Variants in CCSER1 observed in about 807,000 individuals in gnomAD.
CCSER1 encodes coiled-coil serine rich protein 1, also known as serine-rich coiled-coil domain-containing protein 1.
A neutral mutation model predicts 82.0 loss-of-function variants in CCSER1; 41 were observed. That is an observed-to-expected ratio of 0.50 (90% CI 0.39 to 0.65). The LOEUF (loss-of-function observed/expected upper bound fraction) is 0.65, where lower values mean the gene tolerates loss of function less well. CCSER1 is among the 30% of genes least tolerant of loss of function. CCSER1 has a pLI of 0.00. For missense variants in CCSER1, 1,119 were observed against 1,064.2 expected (o/e 1.05, Z -0.72); for synonymous variants, 414 against 383.9 (o/e 1.08, Z -0.92).
rs555250022 is a variant in CCSER1, at chr4:90,419,105, T to C, written c.1603+18976T>C. Reference sequence around the variant, plus strand: ...TCCACTATAAAAGCTCTCAATGATGTTTAGTTACTAGAAGGAGCAGTTATA... The same window carrying C: ...TCCACTATAAAAGCTCTCAATGATGCTTAGTTACTAGAAGGAGCAGTTATA... On this transcript the variant is annotated intron_variant, in intron 4 of 10. Transcript: ENST00000509176. Among the ~76,000 whole-genome samples the C allele has an allele frequency of 4.6e-5, 7 of 152,150 alleles. No individual in the cohort carries two copies. In the East Asian group the frequency reaches 9.6e-4, roughly 21 times the overall value.
chr4:90,581,437 A>C (rs1464915137), intron 5 of CCSER1, among the ~76,000 whole-genome samples: 2 of 152,194 alleles, frequency 1.3e-5, no homozygotes, highest in Non-Finnish European at 2.9e-5. Flanking sequence ...GAAAGGAAGG[A>C]AGACTTGGTT....
chr4:90,376,790 A>G (rs1748388607), intron 3 of CCSER1, among the ~76,000 whole-genome samples: 1 of 152,144 alleles, frequency 6.6e-6, no homozygotes, highest in Non-Finnish European at 1.5e-5. Context: ...GTTTGATGTT[A>G]AAGACACAAT....
At chr4:91,502,474 A>G (rs1306048838) in intron 10 of CCSER1, among the ~76,000 whole-genome samples, 1 of 152,178 alleles carries the variant, frequency 6.6e-6, no homozygotes, top group East Asian at 1.9e-4. Flanking sequence ...AAGAAGCAGC[A>G]GCAGCATTTC....
chr4:91,529,172 A>T (rs7685527), intron 10 of CCSER1, among the ~76,000 whole-genome samples: 103,140 of 151,974 alleles, frequency 0.68, 35,642 homozygotes, highest in African/African-American at 0.81. Flanking sequence ...TTCAGATGTA[A>T]GAAGGAAAAT....
chr4:91,523,172 A>G (rs1316672679), intron 10 of CCSER1, among the ~76,000 whole-genome samples: 4 of 152,176 alleles, frequency 2.6e-5, no homozygotes, highest in African/African-American at 4.8e-5. Flanking sequence ...GTGATGGATT[A>G]TGTTTATTGA....
At chr4:91,269,613 A>G (rs544394547) in intron 10 of CCSER1, among the ~76,000 whole-genome samples, 15 of 152,304 alleles carry the variant, frequency 9.8e-5, no homozygotes, top group African/African-American at 3.1e-4. Flanking sequence ...ACATTTCCAC[A>G]TGTATATACC....
intron 10 of CCSER1, among the ~76,000 whole-genome samples, chr4:91,356,720 A>G (rs987608901): frequency 6.6e-6 from 1 of 152,176 alleles, no homozygotes; most frequent in African/African-American, 2.4e-5. Context: ...TCCTAAGATC[A>G]CTGCATCCCT....
intron 10 of CCSER1, among the ~76,000 whole-genome samples, chr4:91,282,457 A>G (rs1419876065): frequency 6.6e-6 from 1 of 152,164 alleles, no homozygotes; most frequent in African/African-American, 2.4e-5. Flanking sequence ...ATAGATTATT[A>G]TGCTTTCTTC....
At chr4:91,513,521 A>T (rs1607075) in intron 10 of CCSER1, among the ~76,000 whole-genome samples, 1 of 151,882 alleles carries the variant, frequency 6.6e-6, no homozygotes, top group African/African-American at 2.4e-5. Context: ...TTTTTTGAAT[A>T]GTTTCAGTAG....
chr4:90,693,645 T>C (rs1479417086), intron 6 of CCSER1: 1 of 152,002 alleles, frequency 6.6e-6, no homozygotes, highest in African/African-American at 2.4e-5. Flanking sequence ...TCACAGATTA[T>C]ATAATTTGGT....
intron 5 of CCSER1, among the ~76,000 whole-genome samples, chr4:90,493,024 T>C (rs990087218): frequency 6.6e-6 from 1 of 152,244 alleles, no homozygotes; most frequent in Middle Eastern, 3.4e-3. Flanking sequence ...GAAAAAAGAT[T>C]AGACAAATGG....
At chr4:91,218,321 A>G (rs1273167128) in intron 10 of CCSER1, among the ~76,000 whole-genome samples, 1 of 152,164 alleles carries the variant, frequency 6.6e-6, no homozygotes, top group Non-Finnish European at 1.5e-5. Context: ...CAAGGGCCGC[A>G]CGCAGCCCCG....
intron 5 of CCSER1, among the ~76,000 whole-genome samples, chr4:90,624,173 G>T (rs1722871975): frequency 6.6e-6 from 1 of 152,174 alleles, no homozygotes. Flanking sequence ...GTAAATCATT[G>T]AGATGCTTTT....
chr4:90,933,839 T>C (rs1730588069), intron 9 of CCSER1, among the ~76,000 whole-genome samples: 1 of 152,002 alleles, frequency 6.6e-6, no homozygotes, highest in Non-Finnish European at 1.5e-5. Flanking sequence ...GTAATGTTAA[T>C]GAATGCATTT....
intron 1 of CCSER1, among the ~76,000 whole-genome samples, chr4:90,206,012 A>G (rs1318772799): frequency 6.6e-6 from 1 of 151,794 alleles, no homozygotes; most frequent in African/African-American, 2.4e-5. Context: ...TCTCTGATAG[A>G]AGTTTGTATT....
At chr4:90,130,243 A>G (rs1017838959) in intron 1 of CCSER1, among the ~76,000 whole-genome samples, 1 of 152,214 alleles carries the variant, frequency 6.6e-6, no homozygotes, top group African/African-American at 2.4e-5. Flanking sequence ...CCTGTCTTTC[A>G]GGAACTTACT....
intron 6 of CCSER1, among the ~76,000 whole-genome samples, chr4:90,645,417 T>C (rs1727383480): frequency 6.6e-6 from 1 of 152,214 alleles, no homozygotes; most frequent in African/African-American, 2.4e-5. Context: ...ACAATTTTAA[T>C]TCATCTATAT....
chr4:90,369,267 AAAGAAG>A (rs140388423), intron 3 of CCSER1, among the ~76,000 whole-genome samples: 28 of 100,992 alleles, frequency 2.8e-4, no homozygotes, highest in South Asian at 2.3e-3. Flanking sequence ...GAGGAGGAAG[AAAGAAG>A]AAGAAGAAAG....
At chr4:91,374,135 A>C (rs1024147230) in intron 10 of CCSER1, among the ~76,000 whole-genome samples, 1 of 152,148 alleles carries the variant, frequency 6.6e-6, no homozygotes, top group Admixed American at 6.6e-5. Flanking sequence ...AGTGATGAGG[A>C]TGTAGAAGCT....
Sources: allele counts gnomAD v4.1 joint callset (sites outside exome capture counted in the v4.1 genomes callset), GRCh38; gene constraint gnomAD v4.1.1; transcripts MANE v1.5; gene names NCBI Gene and HGNC (gene_info 2026-07-23, HGNC 2026-07-21).